Variants in PCDHA3 observed in about 807,000 individuals in gnomAD.
PCDHA3 encodes protocadherin alpha 3, also known as protocadherin alpha-3.
A neutral mutation model predicts 62.2 loss-of-function variants in PCDHA3; 41 were observed. The observed-to-expected ratio is 0.66, with a 90% confidence interval of 0.51 to 0.86. The LOEUF is 0.86. Among genes scored for constraint, PCDHA3 ranks in the 40% least tolerant of loss-of-function variants. PCDHA3 has a pLI of 0.00. For synonymous variants in PCDHA3, 640 were observed against 555.4 expected (o/e 1.15, Z -2.14); for missense variants, 1,304 against 1,241.2 (o/e 1.05, Z -0.76).
At chr5:140,904,199 C>A (rs2070936424) in intron 1 of PCDHA3, among the ~76,000 whole-genome samples, 1 of 151,944 alleles carries the variant, frequency 6.6e-6, no homozygotes, top group Non-Finnish European at 1.5e-5. Flanking sequence ...CCCTTTCCCC[C>A]TAAGTCCCCA....
chr5:140,818,753 G>A (rs1766431196), intron 1 of PCDHA3, among the ~76,000 whole-genome samples: 1 of 152,198 alleles, frequency 6.6e-6, no homozygotes, highest in Non-Finnish European at 1.5e-5. Context: ...TTGGAGGATG[G>A]CTTGAGCCTG....
chr5:140,850,520 G>A (rs2150487404), intron 1 of PCDHA3: 1 of 1,598,300 alleles, frequency 6.3e-7, no homozygotes, highest in South Asian at 1.1e-5. Context: ...GCGGCCAGGC[G>A]CCAAAGTCAT....
At chr5:140,818,365 T>C (rs2150101023) in intron 1 of PCDHA3, among the ~76,000 whole-genome samples, 1 of 152,372 alleles carries the variant, frequency 6.6e-6, no homozygotes, top group South Asian at 2.1e-4. Flanking sequence ...GATTGAATTC[T>C]TAACTTGAAT....
chr5:140,857,646 A>G lies in PCDHA3; in HGVS notation c.2394+54055A>G, dbSNP rs782060988. 27 of 1,596,264 alleles carry G rather than the reference A, an allele frequency of 1.7e-5. 4 individuals carry two copies. The highest frequency in any genetic ancestry group is 2.2e-5 in the Non-Finnish European group (26 of 1,167,636). Reference sequence around the variant, plus strand: ...GAGGAGCTGGAGCTGCTACAGTTCCAGGTGAGCGCGCGCGATGGGGGCGTG... The same window carrying G: ...GAGGAGCTGGAGCTGCTACAGTTCCGGGTGAGCGCGCGCGATGGGGGCGTG... On this transcript the variant is annotated intron_variant, in intron 1 of 3. Coordinates refer to ENST00000522353, the MANE Select transcript of PCDHA3 (RefSeq NM_018906.3).
At chr5:140,976,140 C>T (rs1276971902) in intron 1 of PCDHA3, among the ~76,000 whole-genome samples, 9 of 152,130 alleles carry the variant, frequency 5.9e-5, no homozygotes, top group African/African-American at 1.7e-4. Flanking sequence ...CTGGATGAAA[C>T]TCATGTACAT....
At chr5:140,829,622 C>G in intron 1 of PCDHA3, 1 of 1,612,190 alleles carries the variant, frequency 6.2e-7, no homozygotes, top group Non-Finnish European at 8.5e-7. Context: ...CATTTCGGTG[C>G]ACGCGGAGAG....
chr5:140,882,170 C>G, intron 1 of PCDHA3: 1 of 1,513,564 alleles, frequency 6.6e-7, no homozygotes, highest in Non-Finnish European at 8.8e-7. Flanking sequence ...CTTGCGAATC[C>G]TTCCGCACTA....
chr5:140,853,467 G>T lies in PCDHA3; in HGVS notation c.2394+49876G>T, dbSNP rs2150532339. 46 of 971,640 alleles carry T rather than the reference G, an allele frequency of 4.7e-5. No homozygotes were observed. The African/African-American group carries it at 8.1e-4, about 17-fold the overall frequency. 60.2% of individuals were successfully genotyped at this position (971,640 alleles called of 1,614,324 possible). ...CTAATAGGTCTCCTTATATGCATCT[G>T]TAGTTAACATTCCTCAATTCAAGTT... On this transcript the variant is annotated intron_variant, in intron 1 of 3. Transcript: ENST00000522353.
At chr5:140,989,744 T>C (rs1354218140) in intron 3 of PCDHA3, among the ~76,000 whole-genome samples, 1 of 152,200 alleles carries the variant, frequency 6.6e-6, no homozygotes, top group Non-Finnish European at 1.5e-5. Context: ...CATTGCCTAA[T>C]CTGGAGAAAC....
At chr5:140,871,126 C>T in intron 1 of PCDHA3, 1 of 1,613,370 alleles carries the variant, frequency 6.2e-7, no homozygotes. Context: ...CGGACAGGCG[C>T]CAAAGGCCTC....
In PCDHA3 at chr5:140,843,462, C is replaced by T. The variant is rs2150360645; in HGVS notation, c.2394+39871C>T. 3.1e-6 allele frequency: 5 copies of T among 1,596,046 alleles called. 1 individual carries two copies. The highest frequency in any genetic ancestry group is 2.2e-5 in the East Asian group (1 of 44,822). ...GCGGTATCCAGCCTGCTGGTGCTCACGCTGCTGCTGTACACTGCGCTGCGG... is the reference window on the plus strand; with the variant it reads ...GCGGTATCCAGCCTGCTGGTGCTCATGCTGCTGCTGTACACTGCGCTGCGG... On this transcript the variant is annotated intron_variant, in intron 1 of 3. Coordinates refer to ENST00000522353, the MANE Select transcript of PCDHA3 (RefSeq NM_018906.3).
At chr5:140,996,655 A>G (rs974466773) in intron 3 of PCDHA3, among the ~76,000 whole-genome samples, 5 of 152,226 alleles carry the variant, frequency 3.3e-5, no homozygotes, top group African/African-American at 1.2e-4. Context: ...TCCTGGGTGC[A>G]GGCTAGTTTT....
chr5:140,866,542 C>T (rs533433206), intron 1 of PCDHA3: 19 of 152,230 alleles, frequency 1.2e-4, no homozygotes, highest in African/African-American at 3.4e-4. Context: ...ATTAGCATCA[C>T]GGAATAAATC....
chr5:140,903,840 T>C (rs2070655374), intron 1 of PCDHA3, among the ~76,000 whole-genome samples: 1 of 152,196 alleles, frequency 6.6e-6, no homozygotes, highest in African/African-American at 2.4e-5. Flanking sequence ...GGTATTTTCA[T>C]TTATCTTAAC....
At position 140,894,082 on chromosome 5, in the gene PCDHA3, A is replaced by C. The variant is rs2064311424; in HGVS notation, c.2395-84867A>C. On this transcript the variant is annotated intron_variant, in intron 1 of 3. Transcript: ENST00000522353. ...TTTTTAAATACATTTATTTTATTCC[A>C]GTATCTTCTAGCTCCTGGTGTTGCA... 3.3e-5 allele frequency among the ~76,000 whole-genome samples: 5 copies of C among 152,174 alleles called. No homozygotes were observed. In the South Asian group the frequency reaches 8.3e-4, roughly 25 times the overall value.
intron 1 of PCDHA3, chr5:140,843,436 C>A (rs2150359840): frequency 1.9e-6 from 3 of 1,596,080 alleles, no homozygotes; most frequent in East Asian, 2.2e-5. Flanking sequence ...TCGCCATCTG[C>A]GCGGTATCCA....
intron 1 of PCDHA3, among the ~76,000 whole-genome samples, chr5:140,917,329 G>GGC (rs1563018868): frequency 6.9e-6 from 1 of 143,930 alleles, no homozygotes; most frequent in Non-Finnish European, 1.5e-5. Context: ...TGTGGCGGGG[G>GGC]AGGGGGGGGA....
At chr5:140,858,726 C>T (rs115774489) in intron 1 of PCDHA3, 5,491 of 481,664 alleles carry the variant, frequency 0.011, 341 homozygotes, top group Non-Finnish European at 0.014. Flanking sequence ...GCAGTTCTGA[C>T]GATTTACTTT....
intron 1 of PCDHA3, chr5:140,817,062 T>A (rs1766058413): frequency 6.6e-6 from 1 of 152,202 alleles, no homozygotes; most frequent in Non-Finnish European, 1.5e-5. Flanking sequence ...GTGTGCTGTA[T>A]CACAGGTCCT....
Sources: gnomAD v4.1 joint callset for allele counts (sites outside exome capture counted in the v4.1 genomes callset) on GRCh38, gnomAD v4.1.1 for gene constraint, MANE v1.5 for transcripts, NCBI Gene and HGNC (gene_info 2026-07-23, HGNC 2026-07-21) for gene names.